The following SLC24A4 variants were observed in gnomAD, a reference collection of about 807,000 sequenced individuals.
The protein encoded by SLC24A4 is sodium/potassium/calcium exchanger 4.
In SLC24A4, 53 loss-of-function variants were observed where a neutral mutation model predicts 79.0. That is an observed-to-expected ratio of 0.67 (90% CI 0.54 to 0.84). SLC24A4 has a LOEUF of 0.84. Among genes scored for constraint, SLC24A4 ranks in the 40% least tolerant of loss-of-function variants. The probability of loss-of-function intolerance (pLI) is 0.00; values close to 1 mark genes in which losing one functional copy is unlikely to be tolerated. For missense variants in SLC24A4, 731 were observed against 822.0 expected (o/e 0.89, Z 1.35); for synonymous variants, 323 against 323.8 (o/e 1.00, Z 0.03).
chr14:92,343,645 T>TCCTTCTTTCCTTCC (rs1491111810), intron 2 of SLC24A4, among the ~76,000 whole-genome samples: 1 of 55,226 alleles, frequency 1.8e-5, no homozygotes, highest in African/African-American at 5.5e-5. Flanking sequence ...TCTTTCTCTC[T>TCCTTCTTTCCTTCC]TTCCTTCTTT....
chr14:92,409,324 C>T (rs1358798435), intron 2 of SLC24A4, among the ~76,000 whole-genome samples: 1 of 152,172 alleles, frequency 6.6e-6, no homozygotes, highest in Non-Finnish European at 1.5e-5. Context: ...ACCATGCTTC[C>T]TGCAAAGCTG....
At chr14:92,445,171 C>T (rs1342713910) in intron 7 of SLC24A4, 146 bp from the exon 8 acceptor site, 13 of 894,108 alleles carry the variant, frequency 1.5e-5, no homozygotes, top group Non-Finnish European at 2.1e-5. Context: ...AGGAAAGGCC[C>T]GTAGGTGAGC....
rs754964950 is a variant in SLC24A4, at chr14:92,456,555, C to T, written c.1202C>T (p.Pro401Leu). 1.1e-5 allele frequency: 17 copies of T among 1,613,032 alleles called. No homozygotes were observed. Among genetic ancestry groups the T allele is most frequent in the South Asian group, 3.3e-5 (3 of 91,064 alleles). Residue 401 changes from proline (P) to leucine (L), a missense_variant, in exon 12 of 17, where the codon CCG becomes CTG. Pro to Leu is a moderately conservative substitution (Grantham distance 98). Transcript: ENST00000532405. The stretch of plus-strand genomic sequence containing the variant: ...CAGCAGCCGCCGCCACAGCCACCAC[C>T]GCCAGAGCCAGAGCCGGTGGAGGCT... ...QEQQPPPQPP[P>L]PEPEPVEADF...
chr14:92,498,563 T>C lies in SLC24A4; in HGVS notation c.*4935T>C, dbSNP rs1896017096. ...GCCTAGACTCAGTGCAGTGGCGCCA[T>C]GTTGGCTGGTTGCAACCTCCACCTC... On this transcript the variant is annotated 3_prime_UTR_variant, in exon 17 of 17. Coordinates refer to ENST00000532405, the MANE Select transcript of SLC24A4 (RefSeq NM_153646.4). The C allele has an allele frequency of 6.6e-6, 1 of 151,248 alleles. No individual in the cohort carries two copies. The highest frequency in any genetic ancestry group is 2.4e-5 in the African/African-American group (1 of 41,052). The allele number at this position is 151,248 out of a possible 1,614,324, so 9.4% of individuals were successfully genotyped here.
chr14:92,383,074 G>C (rs1252476606), intron 2 of SLC24A4, among the ~76,000 whole-genome samples: 1 of 152,130 alleles, frequency 6.6e-6, no homozygotes, highest in Non-Finnish European at 1.5e-5. Flanking sequence ...GTAGTTGGCC[G>C]GCTGCCTGCT....
At chr14:92,436,562 T>C (rs1892181324) in intron 3 of SLC24A4, among the ~76,000 whole-genome samples, 1 of 152,252 alleles carries the variant, frequency 6.6e-6, no homozygotes, top group Non-Finnish European at 1.5e-5. Flanking sequence ...AATATTACTA[T>C]CTAACCCTTT....
At chr14:92,456,706 C>A (rs1050351674) in intron 12 of SLC24A4, 98 bp downstream of exon 12, 1 of 1,234,456 alleles carries the variant, frequency 8.1e-7, no homozygotes, top group Non-Finnish European at 1.1e-6. Flanking sequence ...CTTGTAAGGG[C>A]GGCAGAGGGC....
chr14:92,456,390 T>G lies in SLC24A4; in HGVS notation c.1051-14T>G, dbSNP rs189470425. The G allele has an allele frequency of 1.9e-6, 3 of 1,614,040 alleles. No individual in the cohort carries two copies. The Admixed American group carries it at 5.0e-5, about 27-fold the overall frequency. On this transcript the variant is annotated splice_polypyrimidine_tract_variant and intron_variant, in intron 11 of 16. Transcript: ENST00000532405. ...CACATGCCTTGGTGTCCATGTTGCC[T>G]CCTGTCCACACAGCGGCAGAGACTG...
At chr14:92,422,767 A>G (rs1261700279) in intron 2 of SLC24A4, among the ~76,000 whole-genome samples, 1 of 152,174 alleles carries the variant, frequency 6.6e-6, no homozygotes, top group Non-Finnish European at 1.5e-5. Flanking sequence ...ACTAGCTCAG[A>G]GTTTGGTTGT....
Position 92,371,060 on chromosome 14 carries a change from C to T in SLC24A4, c.241+45082C>T, listed in dbSNP as rs554326136. Reference sequence around the variant, plus strand: ...ACAGATAGTAAGGACAAAAAGTTCCCGGCAAAACTTTCCTTCTAATAAAAA... The same window carrying T: ...ACAGATAGTAAGGACAAAAAGTTCCTGGCAAAACTTTCCTTCTAATAAAAA... On this transcript the variant is annotated intron_variant, in intron 2 of 16. Transcript: ENST00000532405. Among the ~76,000 whole-genome samples the T allele has an allele frequency of 2.1e-3, 327 of 152,218 alleles. 2 individuals are homozygous for T. The highest frequency in any genetic ancestry group is 3.6e-3 in the Non-Finnish European group (243 of 68,010).
chr14:92,472,529 A>T (rs1043713555), intron 12 of SLC24A4, among the ~76,000 whole-genome samples: 1 of 152,178 alleles, frequency 6.6e-6, no homozygotes, highest in Non-Finnish European at 1.5e-5. Flanking sequence ...GTTACTTCAC[A>T]TAGAATAATA....
At position 92,385,488 on chromosome 14, in the gene SLC24A4, T is replaced by C. The variant is rs868831742; in HGVS notation, c.242-48424T>C. 2.1e-5 allele frequency among the ~76,000 whole-genome samples: 3 copies of C among 139,630 alleles called. No individual in the cohort carries two copies. In the South Asian group the frequency reaches 6.5e-4, roughly 30 times the overall value. 91.6% of individuals were successfully genotyped at this position (139,630 alleles called of 152,430 possible). ...CTCCAGCCTGGCGACAGAGCGAGACTCCGTCTTTAAAAAAAAAAAAAATCA... is the reference window on the plus strand; with the variant it reads ...CTCCAGCCTGGCGACAGAGCGAGACCCCGTCTTTAAAAAAAAAAAAAATCA... On this transcript the variant is annotated intron_variant, in intron 2 of 16. Transcript: ENST00000532405.
Position 92,486,722 on chromosome 14 carries a change from C to T in SLC24A4, c.1479C>T (p.Phe493=). 4 of 1,614,162 alleles carry T rather than the reference C, an allele frequency of 2.5e-6. No individual in the cohort carries two copies. Among genetic ancestry groups the T allele is most frequent in the Non-Finnish European group, 3.4e-6 (4 of 1,180,030 alleles). ...CGGATGTCATCATGGGCATTACTTTCCTGGCAGCAGGGACAAGTGTTCCAG... is the reference window on the plus strand; with the variant it reads ...CGGATGTCATCATGGGCATTACTTTTCTGGCAGCAGGGACAAGTGTTCCAG... The part of the protein sequence containing the change: ...GIPDVIMGIT[F]LAAGTSVPDC... The change falls in exon 14 of 17, where the codon TTC becomes TTT. Residue 493 remains phenylalanine, a synonymous_variant. Transcript: ENST00000532405.
intron 2 of SLC24A4, among the ~76,000 whole-genome samples, chr14:92,357,341 G>A (rs28629800): frequency 0.026 from 3,945 of 152,282 alleles, 190 homozygotes; most frequent in African/African-American, 0.088. Context: ...CTCAGGAAAC[G>A]TAACTAGGAA....
intron 2 of SLC24A4, among the ~76,000 whole-genome samples, chr14:92,424,343 G>A (rs1297617339): frequency 2.6e-5 from 4 of 152,182 alleles, no homozygotes; most frequent in Non-Finnish European, 5.9e-5. Context: ...AGTCCTTTTA[G>A]TGTTGCTATA....
intron 2 of SLC24A4, among the ~76,000 whole-genome samples, chr14:92,383,574 T>C (rs1240894352): frequency 6.6e-6 from 1 of 152,188 alleles, no homozygotes; most frequent in Non-Finnish European, 1.5e-5. Flanking sequence ...CCCCCCTGGC[T>C]GCAGCTCAAG....
chr14:92,456,542 C>T lies in SLC24A4; in HGVS notation c.1189C>T (p.Pro397Ser), dbSNP rs1436068105. ...GCAGAATCAGGAGCAGCAGCCGCCG[C>T]CACAGCCACCACCGCCAGAGCCAGA... ...PQQNQEQQPP[P>S]QPPPPEPEPV... The change falls in exon 12 of 17, where the codon CCA becomes TCA. Residue 397 changes from proline to serine, a missense_variant. Coordinates refer to ENST00000532405, the MANE Select transcript of SLC24A4 (RefSeq NM_153646.4). 1.9e-6 allele frequency: 3 copies of T among 1,613,962 alleles called. No homozygotes were observed. The highest frequency in any genetic ancestry group is 1.7e-6 in the Non-Finnish European group (2 of 1,179,956).
chr14:92,367,353 T>C (rs1412043700), intron 2 of SLC24A4, among the ~76,000 whole-genome samples: 1 of 152,202 alleles, frequency 6.6e-6, no homozygotes, highest in Non-Finnish European at 1.5e-5. Flanking sequence ...AGTTGACCGA[T>C]ATGAAATGAC....
chr14:92,373,324 G>A (rs891337372), intron 2 of SLC24A4, among the ~76,000 whole-genome samples: 4 of 152,114 alleles, frequency 2.6e-5, no homozygotes, highest in African/African-American at 4.8e-5. Context: ...GATTACAGGC[G>A]TGAGCCACCA....
Sources: gnomAD v4.1 joint callset for allele counts (sites outside exome capture counted in the v4.1 genomes callset) on GRCh38, gnomAD v4.1.1 for gene constraint, MANE v1.5 for transcripts, NCBI Gene and HGNC (gene_info 2026-07-23, HGNC 2026-07-21) for gene names.